Variants in CCSER1 observed in about 807,000 individuals in gnomAD.
CCSER1 encodes the protein serine-rich coiled-coil domain-containing protein 1.
Under a neutral mutation model 82.0 loss-of-function variants are expected in CCSER1, and 41 were observed. That is an observed-to-expected ratio of 0.50 (90% CI 0.39 to 0.65). CCSER1 has a LOEUF of 0.65. CCSER1 is among the 30% of genes least tolerant of loss of function. The pLI is 0.00. For synonymous variants in CCSER1, 414 were observed against 383.9 expected (o/e 1.08, Z -0.92); for missense variants, 1,119 against 1,064.2 (o/e 1.05, Z -0.72).
At chr4:90,412,479 A>G (rs1200761353) in intron 4 of CCSER1, among the ~76,000 whole-genome samples, 4 of 151,940 alleles carry the variant, frequency 2.6e-5, no homozygotes, top group Non-Finnish European at 5.9e-5. Flanking sequence ...AATAAAAAAA[A>G]GAATTTTGAA....
intron 7 of CCSER1, among the ~76,000 whole-genome samples, chr4:90,791,023 A>G (rs1188032723): frequency 6.6e-6 from 1 of 152,182 alleles, no homozygotes; most frequent in Admixed American, 6.5e-5. Flanking sequence ...GATTTAATTG[A>G]TCCACAGTTC....
At chr4:90,630,059 C>T (rs1277394815) in intron 6 of CCSER1, among the ~76,000 whole-genome samples, 1 of 152,164 alleles carries the variant, frequency 6.6e-6, no homozygotes, top group Non-Finnish European at 1.5e-5. Flanking sequence ...TTGGCAAACA[C>T]TGCAAATTAG....
At chr4:91,054,586 A>G (rs1032985780) in intron 9 of CCSER1, among the ~76,000 whole-genome samples, 4 of 151,516 alleles carry the variant, frequency 2.6e-5, no homozygotes, top group Non-Finnish European at 4.4e-5. Flanking sequence ...TTCACTTTCA[A>G]CCTATTTCAA....
chr4:90,829,872 T>A (rs1760919170), intron 8 of CCSER1, among the ~76,000 whole-genome samples: 1 of 152,180 alleles, frequency 6.6e-6, no homozygotes. Flanking sequence ...GCACATTCAG[T>A]GTGTTTAGGG....
chr4:91,333,770 A>G (rs1333739643), intron 10 of CCSER1, among the ~76,000 whole-genome samples: 7 of 152,102 alleles, frequency 4.6e-5, no homozygotes, highest in African/African-American at 1.7e-4. Context: ...AAAACTGATT[A>G]AAGTTAGTAC....
At chr4:91,343,273 T>C (rs1367472187) in intron 10 of CCSER1, among the ~76,000 whole-genome samples, 1 of 152,096 alleles carries the variant, frequency 6.6e-6, no homozygotes, top group East Asian at 1.9e-4. Context: ...ACTTAAATTT[T>C]ATTTAATTGT....
intron 1 of CCSER1, among the ~76,000 whole-genome samples, chr4:90,154,199 G>A (rs12639956): frequency 0.16 from 24,492 of 151,338 alleles, 38 homozygotes; most frequent in East Asian, 0.31. Context: ...GATATGCGGC[G>A]TAGATTTCTG....
At chr4:91,081,294 C>T (rs916471134) in intron 9 of CCSER1, among the ~76,000 whole-genome samples, 2 of 152,034 alleles carry the variant, frequency 1.3e-5, no homozygotes. Flanking sequence ...GTAAACAGAA[C>T]CAAAGACAAA....
chr4:91,228,129 T>C (rs1474036022), intron 10 of CCSER1, among the ~76,000 whole-genome samples: 1 of 152,056 alleles, frequency 6.6e-6, no homozygotes, highest in African/African-American at 2.4e-5. Context: ...AATCCTAGAT[T>C]GAGTGAGGAA....
chr4:91,448,225 T>G (rs1263226063), intron 10 of CCSER1, among the ~76,000 whole-genome samples: 2 of 152,130 alleles, frequency 1.3e-5, no homozygotes, highest in East Asian at 1.9e-4. Context: ...ATATTTCTAT[T>G]TGACAGACTA....
intron 8 of CCSER1, among the ~76,000 whole-genome samples, chr4:90,829,927 G>A (rs1479705514): frequency 2.0e-5 from 3 of 152,090 alleles, no homozygotes; most frequent in Non-Finnish European, 4.4e-5. Context: ...TTTTCTAGTA[G>A]CATGTGTTCT....
intron 10 of CCSER1, among the ~76,000 whole-genome samples, chr4:91,437,869 T>C (rs6532307): frequency 0.81 from 123,353 of 152,212 alleles, 50,223 homozygotes; most frequent in East Asian, 0.92. Flanking sequence ...CACAGAGTCT[T>C]GCTGATTGCT....
intron 10 of CCSER1, among the ~76,000 whole-genome samples, chr4:91,189,063 T>C (rs947463833): frequency 2.0e-5 from 3 of 152,156 alleles, no homozygotes; most frequent in African/African-American, 7.2e-5. Context: ...GAACGGTATA[T>C]ATAATGATTT....
At chr4:91,546,977 T>TG (rs1271654677) in intron 10 of CCSER1, among the ~76,000 whole-genome samples, 1 of 151,068 alleles carries the variant, frequency 6.6e-6, no homozygotes, top group Non-Finnish European at 1.5e-5. Flanking sequence ...GTTTTCTTTT[T>TG]TTTTTTTTTT....
intron 3 of CCSER1, among the ~76,000 whole-genome samples, chr4:90,340,222 A>C (rs551288616): frequency 1.3e-5 from 2 of 152,290 alleles, no homozygotes; most frequent in South Asian, 4.1e-4. Flanking sequence ...AGGATGAAAT[A>C]CTGCAAGTGG....
chr4:90,739,143 C>T (rs1746127342), intron 7 of CCSER1, among the ~76,000 whole-genome samples: 1 of 152,232 alleles, frequency 6.6e-6, no homozygotes. Context: ...CCTGCTACTG[C>T]TCATTATTTA....
At chr4:91,006,119 A>G (rs1302184987) in intron 9 of CCSER1, among the ~76,000 whole-genome samples, 5 of 152,278 alleles carry the variant, frequency 3.3e-5, no homozygotes, top group Middle Eastern at 6.8e-3. Flanking sequence ...GAACGTCATT[A>G]GTATTCTGAT....
chr4:90,469,811 G>A (rs1271935401), intron 5 of CCSER1, among the ~76,000 whole-genome samples: 2 of 152,064 alleles, frequency 1.3e-5, no homozygotes, highest in South Asian at 2.1e-4. Flanking sequence ...GCATCCTACC[G>A]AAGTGTCATG....
At chr4:90,919,419 A>G (rs1464684204) in intron 8 of CCSER1, among the ~76,000 whole-genome samples, 1 of 151,916 alleles carries the variant, frequency 6.6e-6, no homozygotes, top group Non-Finnish European at 1.5e-5. Flanking sequence ...GCTGTTTTTT[A>G]TAAAAGGAAC....
Sources: gnomAD v4.1 joint callset for allele counts (sites outside exome capture counted in the v4.1 genomes callset) on GRCh38, gnomAD v4.1.1 for gene constraint, MANE v1.5 for transcripts, NCBI Gene and HGNC (gene_info 2026-07-23, HGNC 2026-07-21) for gene names.